The following MYLK3 variants were observed in gnomAD, a reference collection of about 807,000 sequenced individuals.
MYLK3 encodes myosin light chain kinase 3, also known as MLC kinase.
In MYLK3, 55 loss-of-function variants were observed where a neutral mutation model predicts 76.3. The observed-to-expected ratio is 0.72, with a 90% confidence interval of 0.58 to 0.90. MYLK3 has a LOEUF of 0.90. Ranked by LOEUF, MYLK3 falls within the 40% of genes least tolerant of loss-of-function variation. The pLI is 0.00. For synonymous variants in MYLK3, 416 were observed against 425.4 expected (o/e 0.98, Z 0.27); for missense variants, 973 against 1,053.6 (o/e 0.92, Z 1.06).
At chr16:46,754,202 A>G (rs1470090099) in intron 1 of MYLK3, among the ~76,000 whole-genome samples, 2 of 152,152 alleles carry the variant, frequency 1.3e-5, no homozygotes, top group Non-Finnish European at 2.9e-5. Context: ...CTGGAGTTTC[A>G]GAAAGAGAAA....
chr16:46,733,739 C>G (rs989601445), intron 3 of MYLK3, among the ~76,000 whole-genome samples: 1 of 152,094 alleles, frequency 6.6e-6, no homozygotes, highest in Non-Finnish European at 1.5e-5. Flanking sequence ...TCCCACAGCA[C>G]GGGGTCTATG....
upstream of MYLK3, among the ~76,000 whole-genome samples, chr16:46,749,337 C>G (rs1967086612): frequency 6.6e-6 from 1 of 152,268 alleles, no homozygotes; most frequent in African/African-American, 2.4e-5. Flanking sequence ...CCCAGGCAGG[C>G]ACACGGCCTC....
chr16:46,726,719 AAGAAAGAAAGAAAGAAAAGAAAGAGAGAG>A (rs1966842714), intron 8 of MYLK3: 1 of 149,014 alleles, frequency 6.7e-6, no homozygotes, highest in African/African-American at 2.5e-5. Context: ...GAAAGAAAGA[AAGAAAGAAAGAAAGAAAAGAAAGAGAGAG>A]AGAAAGAAAG....
upstream of MYLK3, among the ~76,000 whole-genome samples, chr16:46,749,459 C>T (rs1294265711): frequency 6.6e-6 from 1 of 152,228 alleles, no homozygotes; most frequent in East Asian, 1.9e-4. Flanking sequence ...CTGACCTGGA[C>T]ATTTGGAATC....
chr16:46,723,762 G>A (rs775778894), intron 8 of MYLK3, among the ~76,000 whole-genome samples: 39 of 149,642 alleles, frequency 2.6e-4, no homozygotes, highest in Non-Finnish European at 4.7e-4. Context: ...TGATTCTCCT[G>A]CCTCAGCCTC....
At chr16:46,721,257 T>A in intron 8 of MYLK3, 64 bp from the exon 9 acceptor site, 2 of 1,464,534 alleles carry the variant, frequency 1.4e-6, no homozygotes, top group Non-Finnish European at 1.9e-6. Flanking sequence ...CTGCCACACT[T>A]GTCTATAGGC....
In MYLK3 at chr16:46,712,601, C is replaced by A. The variant is rs1231116447; in HGVS notation, c.2114+47G>T. 26 of 1,383,794 alleles carry A rather than the reference C, an allele frequency of 1.9e-5. 1 individual carries two copies. The East Asian group carries it at 6.6e-4, about 35-fold the overall frequency. The allele number at this position is 1,383,794 out of a possible 1,614,324, so 85.7% of individuals were successfully genotyped here. Reference sequence around the variant, plus strand: ...GCTTCTAAGATTACCCAAAGGAAGACAAATGACCCCTGTCCCCACTTCAGA... The same window carrying A: ...GCTTCTAAGATTACCCAAAGGAAGAAAAATGACCCCTGTCCCCACTTCAGA... On this transcript the variant is annotated intron_variant, in intron 10 of 12. Coordinates refer to ENST00000394809, the MANE Select transcript of MYLK3 (RefSeq NM_182493.3).
intron 10 of MYLK3, chr16:46,711,008 G>A: frequency 3.5e-6 from 2 of 570,364 alleles, no homozygotes; most frequent in South Asian, 2.1e-5. Flanking sequence ...AGAATTTTTG[G>A]AATAAGTCCC....
intron 8 of MYLK3, among the ~76,000 whole-genome samples, chr16:46,722,296 C>T (rs932400675): frequency 6.6e-6 from 1 of 152,186 alleles, no homozygotes; most frequent in African/African-American, 2.4e-5. Context: ...AGTCCCTCCC[C>T]ATTCCTGAAG....
At chr16:46,739,929 G>A (rs1966901753) in intron 2 of MYLK3, 128 bp downstream of exon 2, 3 of 688,566 alleles carry the variant, frequency 4.4e-6, no homozygotes, top group Non-Finnish European at 7.4e-6. Context: ...AAAAAACCCT[G>A]CAAAAACAAG....
chr16:46,710,657 C>T lies in MYLK3; in HGVS notation c.2247G>A (p.Arg749=), dbSNP rs1349491769. The change falls in exon 11 of 13, where the codon CGG becomes CGA. Residue 749 remains arginine (R), a synonymous_variant. Coordinates refer to ENST00000394809, the MANE Select transcript of MYLK3 (RefSeq NM_182493.3). ...GGTACCTCTTCTCTTTGACCAGCAA[C>T]CGGGAAACAAAGTCCTTGGCCTCCT... ...LSEEAKDFVS[R]LLVKEKSCRM... 1 of 1,614,150 alleles carries T rather than the reference C, an allele frequency of 6.2e-7. No homozygotes were observed. Among genetic ancestry groups the T allele is most frequent in the South Asian group, 1.1e-5 (1 of 91,082 alleles).
chr16:46,753,674 GC>G (rs2143017969), intron 1 of MYLK3, among the ~76,000 whole-genome samples: 1 of 152,312 alleles, frequency 6.6e-6, no homozygotes, highest in Admixed American at 6.5e-5. Context: ...ACTTTGGGAG[GC>G]CAGGGTGGGG....
At chr16:46,755,570 T>C (rs758766142) in intron 1 of MYLK3, among the ~76,000 whole-genome samples, 1 of 151,524 alleles carries the variant, frequency 6.6e-6, no homozygotes, top group Non-Finnish European at 1.5e-5. Context: ...GAGTGTACAA[T>C]AGAATGCAAT....
At position 46,740,131 on chromosome 16, in the gene MYLK3, T is replaced by C. The variant is rs1329426118; in HGVS notation, c.494A>G (p.Glu165Gly). 2 of 1,613,728 alleles carry C rather than the reference T, an allele frequency of 1.2e-6. No homozygotes were observed. The highest frequency in any genetic ancestry group is 3.3e-5 in the Admixed American group (2 of 60,010). ...ATGCTTTGGTTTTCCTCCCTCTTCT[T>C]CCACTCGCTCTTTATTCTAAAATAA... ...DSPEENKERV[E>G]EEGGKPKHVL... is the part of the protein sequence containing the mutation. The change falls in exon 2 of 13, where the codon GAA (glutamate) becomes GGA (glycine). Residue 165 changes from glutamate (E) to glycine (G), a missense_variant. By Grantham distance (98) the Glu-to-Gly change is moderately conservative. Transcript: ENST00000394809.
chr16:46,707,834 A>C, intron 12 of MYLK3, 71 bp from the exon 13 acceptor site: 2 of 1,189,422 alleles, frequency 1.7e-6, no homozygotes, highest in African/African-American at 3.0e-5. Context: ...TGAAGAAACA[A>C]TAAAAGGATT....
intron 7 of MYLK3, 129 bp downstream of exon 7, chr16:46,728,895 G>A (rs1966847165): frequency 1.3e-5 from 9 of 674,624 alleles, no homozygotes; most frequent in Non-Finnish European, 2.1e-5. Flanking sequence ...AGAGAAGACA[G>A]GATGACACGA....
intron 4 of MYLK3, among the ~76,000 whole-genome samples, chr16:46,731,014 AG>A (rs1966851564): frequency 2.0e-5 from 3 of 152,218 alleles, no homozygotes; most frequent in Admixed American, 6.5e-5. Context: ...CAGGAAACAG[AG>A]GGCCCATGTG....
intron 9 of MYLK3, 61 bp from the exon 10 acceptor site, chr16:46,712,837 G>A: frequency 6.9e-7 from 1 of 1,446,828 alleles, no homozygotes; most frequent in Non-Finnish European, 9.2e-7. Flanking sequence ...GTGGTGCTGG[G>A]GCTCATTTCT....
intron 1 of MYLK3, among the ~76,000 whole-genome samples, chr16:46,758,842 A>C (rs1243147401): frequency 6.6e-6 from 1 of 152,094 alleles, no homozygotes; most frequent in Non-Finnish European, 1.5e-5. Flanking sequence ...GAGACTGGAT[A>C]TAGGCTCGGC....
Sources: gnomAD v4.1 joint callset for allele counts (sites outside exome capture counted in the v4.1 genomes callset) on GRCh38, gnomAD v4.1.1 for gene constraint, MANE v1.5 for transcripts, NCBI Gene and HGNC (gene_info 2026-07-23, HGNC 2026-07-21) for gene names.